USH2A: variants seen among roughly 807,000 people sequenced by gnomAD.
USH2A encodes the protein usherin.
In USH2A, 443 loss-of-function variants were observed where a neutral mutation model predicts 538.9. That is an observed-to-expected ratio of 0.82 (90% CI 0.76 to 0.89). USH2A has a LOEUF of 0.89. Among genes scored for constraint, USH2A ranks in the 40% least tolerant of loss-of-function variants. USH2A has a pLI of 0.00. For missense variants in USH2A, 6,633 were observed against 6,324.8 expected (o/e 1.05, Z -1.65); for synonymous variants, 2,413 against 2,273.5 (o/e 1.06, Z -1.75).
intron 40 of USH2A, among the ~76,000 whole-genome samples, chr1:215,899,316 T>C (rs1665431109): frequency 6.6e-6 from 1 of 152,198 alleles, no homozygotes; most frequent in South Asian, 2.1e-4. Context: ...TTCACAAGAT[T>C]AACTCAAAAA....
chr1:215,759,576 T>A (rs1660918598), intron 57 of USH2A, 84 bp downstream of exon 57: 1 of 1,546,174 alleles, frequency 6.5e-7, no homozygotes, highest in Non-Finnish European at 8.9e-7. Flanking sequence ...ATTTAACAAC[T>A]TTCAGTGGGA....
chr1:215,836,481 AT>A (rs1338753381), intron 47 of USH2A, among the ~76,000 whole-genome samples: 2 of 3,340 alleles, frequency 6.0e-4, no homozygotes, highest in Non-Finnish European at 2.4e-3. Context: ...TATATATATA[AT>A]ATATATTATA....
At chr1:215,757,814 C>G (rs1300558193) in intron 58 of USH2A, among the ~76,000 whole-genome samples, 1 of 152,134 alleles carries the variant, frequency 6.6e-6, no homozygotes, top group East Asian at 1.9e-4. Flanking sequence ...AAAAATGCAG[C>G]TACCATAAGT....
chr1:216,251,442 C>CTTTTTTTTTTTTTTTTTTT (rs779947689), intron 11 of USH2A, among the ~76,000 whole-genome samples: 1 of 80,340 alleles, frequency 1.2e-5, no homozygotes, highest in Non-Finnish European at 2.3e-5. Flanking sequence ...ACCACTTCCC[C>CTTTTTTTTTTTTTTTTTTT]TTTTTTTTTT....
At chr1:216,378,366 A>T (rs895034928) in intron 3 of USH2A, among the ~76,000 whole-genome samples, 1 of 152,160 alleles carries the variant, frequency 6.6e-6, no homozygotes, top group Non-Finnish European at 1.5e-5. Flanking sequence ...AATTAGCATC[A>T]CTTCCATTCT....
intron 21 of USH2A, among the ~76,000 whole-genome samples, chr1:216,165,597 T>C (rs550277040): frequency 7.9e-5 from 12 of 152,188 alleles, no homozygotes; most frequent in Non-Finnish European, 1.6e-4. Flanking sequence ...GTGAACTATA[T>C]TCAAAAGCAT....
rs140143712 is a variant in USH2A at position 215,942,296 on chromosome 1, C to G, written c.7121-7501G>C. ...ACTTGCTGTATCAAAAAGAGGGAGTCTTCTAGCAAGACAGGTTACAATCTT... is the reference window on the plus strand; with the variant it reads ...ACTTGCTGTATCAAAAAGAGGGAGTGTTCTAGCAAGACAGGTTACAATCTT... On this transcript the variant is annotated intron_variant, in intron 37 of 71. Coordinates refer to ENST00000307340, the MANE Select transcript of USH2A (RefSeq NM_206933.4). Among the ~76,000 whole-genome samples the G allele has an allele frequency of 7.9e-4, 120 of 152,200 alleles. 3 individuals are homozygous for G. Among genetic ancestry groups the G allele is most frequent in the Middle Eastern group, 3.4e-3 (1 of 294 alleles).
At chr1:215,733,531 C>T (rs1335220431) in intron 60 of USH2A, among the ~76,000 whole-genome samples, 1 of 152,190 alleles carries the variant, frequency 6.6e-6, no homozygotes, top group Non-Finnish European at 1.5e-5. Flanking sequence ...CTCAAAAGCC[C>T]CAAGTCTCAA....
intron 50 of USH2A, among the ~76,000 whole-genome samples, chr1:215,797,268 T>C (rs993065356): frequency 3.3e-5 from 5 of 152,210 alleles, no homozygotes; most frequent in African/African-American, 9.7e-5. Context: ...AAAAGCCATC[T>C]TCATAACATA....
intron 50 of USH2A, among the ~76,000 whole-genome samples, chr1:215,795,822 T>C (rs948402889): frequency 6.6e-6 from 1 of 152,312 alleles, no homozygotes; most frequent in East Asian, 1.9e-4. Context: ...TCTCAAATTA[T>C]GGTCTCAGGA....
rs1273417909 is a variant in USH2A at position 216,046,562 on chromosome 1, T to G, written c.6194A>C (p.Lys2065Thr). Residue 2065 changes from lysine to threonine, a missense_variant, in exon 32 of 72, where the codon AAA (lysine) becomes ACA (threonine). Lys to Thr is a moderately conservative substitution (Grantham distance 78, BLOSUM62 -1). Coordinates refer to ENST00000307340, the MANE Select transcript of USH2A (RefSeq NM_206933.4). ...APQEVQPPVAKSLPSSLLLSW... is the reference protein window; with the variant it reads ...APQEVQPPVATSLPSSLLLSW... ...GAGCAGCAAAGAACTGGGAAGGGAT[T>G]TGGCTACTGGTGGCTGAACCTCTTG... 6.2e-7 allele frequency: 1 copy of G among 1,613,868 alleles called. No homozygotes were observed. Among genetic ancestry groups the G allele is most frequent in the Non-Finnish European group, 8.5e-7 (1 of 1,179,798 alleles).
At chr1:216,289,191 C>A (rs1248392154) in intron 11 of USH2A, 89 bp downstream of exon 11, 1 of 1,582,292 alleles carries the variant, frequency 6.3e-7, no homozygotes, top group Non-Finnish European at 8.7e-7. Flanking sequence ...CTGGCAAATG[C>A]AGTCTTCAAT....
chr1:216,085,359 C>T (rs1380882552), intron 24 of USH2A, among the ~76,000 whole-genome samples: 1 of 151,898 alleles, frequency 6.6e-6, no homozygotes, highest in Non-Finnish European at 1.5e-5. Context: ...GTGGAACTCT[C>T]CAGACCAGGT....
intron 21 of USH2A, among the ~76,000 whole-genome samples, chr1:216,116,679 A>G (rs547711055): frequency 3.3e-5 from 5 of 152,250 alleles, no homozygotes; most frequent in African/African-American, 1.2e-4. Context: ...GTTAACTCAC[A>G]ATGAACTCAC....
chr1:216,154,221 TA>T (rs1402785362), intron 21 of USH2A, among the ~76,000 whole-genome samples: 1 of 152,178 alleles, frequency 6.6e-6, no homozygotes, highest in Non-Finnish European at 1.5e-5. Context: ...CCTATTTCAT[TA>T]AAAAAAGTTA....
At chr1:216,130,876 A>G (rs1401395324) in intron 21 of USH2A, among the ~76,000 whole-genome samples, 1 of 151,706 alleles carries the variant, frequency 6.6e-6, no homozygotes, top group Non-Finnish European at 1.5e-5. Flanking sequence ...TCTGTAAGGA[A>G]TCTCCACACT....
chr1:216,153,683 C>T (rs2033884443), intron 21 of USH2A, among the ~76,000 whole-genome samples: 2 of 151,992 alleles, frequency 1.3e-5, no homozygotes, highest in Non-Finnish European at 1.5e-5. Context: ...TACATGCCCA[C>T]AAAACAGAGA....
intron 44 of USH2A, among the ~76,000 whole-genome samples, chr1:215,846,998 T>G (rs536201799): frequency 6.6e-6 from 1 of 152,360 alleles, no homozygotes; most frequent in East Asian, 1.9e-4. Context: ...AATGTGTTTC[T>G]ATAATGTAGA....
intron 13 of USH2A, among the ~76,000 whole-genome samples, chr1:216,239,036 T>C (rs1458265850): frequency 6.6e-6 from 1 of 150,856 alleles, no homozygotes; most frequent in East Asian, 1.9e-4. Context: ...CTGTTTATGA[T>C]AAAGATACTT....
Sources: gnomAD v4.1 joint callset for allele counts (sites outside exome capture counted in the v4.1 genomes callset) on GRCh38, gnomAD v4.1.1 for gene constraint, MANE v1.5 for transcripts, NCBI Gene and HGNC (gene_info 2026-07-23, HGNC 2026-07-21) for gene names.